The following RIT2 variants were observed in gnomAD, a reference collection of about 807,000 sequenced individuals.
RIT2 encodes GTP-binding protein Rit2.
RIT2 carries 24 observed loss-of-function variants against 23.7 expected under a neutral mutation model. That is an observed-to-expected ratio of 1.01 (90% CI 0.73 to 1.43). The LOEUF is 1.43. Among genes scored for constraint, RIT2 ranks in the 40% most tolerant of loss-of-function variants. The probability of loss-of-function intolerance (pLI) is 0.00; values close to 1 mark genes in which losing one functional copy is unlikely to be tolerated. For synonymous variants in RIT2, 107 were observed against 91.1 expected (o/e 1.17, Z -0.99); for missense variants, 236 against 266.9 (o/e 0.88, Z 0.81).
chr18:43,040,783 T>A (rs528639835), intron 1 of RIT2, among the ~76,000 whole-genome samples: 4 of 151,948 alleles, frequency 2.6e-5, no homozygotes, highest in African/African-American at 9.7e-5. Flanking sequence ...AAGGTGGAAA[T>A]GTCAAATGAA....
In RIT2 at chr18:42,968,992, C is replaced by G. The variant is rs563530378; in HGVS notation, c.234+5082G>C. Among the ~76,000 whole-genome samples the G allele has an allele frequency of 1.8e-4, 27 of 152,248 alleles. No homozygotes were observed. In the South Asian group the frequency reaches 5.4e-3, roughly 30 times the overall value. On this transcript the variant is annotated intron_variant, in intron 3 of 4. Coordinates refer to ENST00000326695, the MANE Select transcript of RIT2 (RefSeq NM_002930.4). ...TGAAAATTGGGAATGTTCTTAAAGC[C>G]TACCTTCCCATACCTTTTGATTTTG...
At chr18:43,033,349 G>A (rs967837891) in intron 2 of RIT2, among the ~76,000 whole-genome samples, 1 of 152,066 alleles carries the variant, frequency 6.6e-6, no homozygotes, top group African/African-American at 2.4e-5. Flanking sequence ...CCTTCAAGAT[G>A]AGAATGATGG....
chr18:42,805,216 T>C (rs930299228), intron 4 of RIT2, among the ~76,000 whole-genome samples: 1 of 152,226 alleles, frequency 6.6e-6, no homozygotes, highest in Non-Finnish European at 1.5e-5. Context: ...AATAACTTTT[T>C]ATGAAAAATA....
intron 3 of RIT2, among the ~76,000 whole-genome samples, chr18:42,937,048 AG>A (rs1433330348): frequency 6.6e-6 from 1 of 151,384 alleles, no homozygotes; most frequent in Non-Finnish European, 1.5e-5. Flanking sequence ...ATGTGACTTG[AG>A]GGAACCACAA....
At chr18:43,085,856 G>A (rs1261352673) in intron 1 of RIT2, among the ~76,000 whole-genome samples, 2 of 152,114 alleles carry the variant, frequency 1.3e-5, no homozygotes, top group Non-Finnish European at 1.5e-5. Flanking sequence ...TGTTCTCATG[G>A]TAGTGGACAA....
At chr18:43,094,126 T>TTG (rs1331293984) in intron 1 of RIT2, among the ~76,000 whole-genome samples, 37 of 129,236 alleles carry the variant, frequency 2.9e-4, no homozygotes, top group Admixed American at 1.2e-3. Context: ...TTTTTTTGTT[T>TTG]TTTTTTTTTT....
chr18:42,994,076 C>T (rs1381603194), intron 2 of RIT2, among the ~76,000 whole-genome samples: 1 of 152,118 alleles, frequency 6.6e-6, no homozygotes, highest in East Asian at 1.9e-4. Flanking sequence ...CCCATAAACT[C>T]TCCTATCCTC....
intron 4 of RIT2, among the ~76,000 whole-genome samples, chr18:42,832,493 T>C (rs958199630): frequency 6.6e-5 from 10 of 152,122 alleles, no homozygotes; most frequent in Admixed American, 2.6e-4. Context: ...ACCTAGTAAA[T>C]AATTCTGTAA....
chr18:43,089,511 T>A (rs2144358226), intron 1 of RIT2, among the ~76,000 whole-genome samples: 1 of 151,452 alleles, frequency 6.6e-6, no homozygotes, highest in East Asian at 1.9e-4. Context: ...CCAAGACAAT[T>A]TGTAAAAAAA....
chr18:43,112,778 T>TA (rs1432781612), intron 1 of RIT2, among the ~76,000 whole-genome samples: 1 of 152,014 alleles, frequency 6.6e-6, no homozygotes, highest in Non-Finnish European at 1.5e-5. Flanking sequence ...TTAATATACA[T>TA]AAAAAATCTC....
chr18:43,091,493 G>A (rs1378063023), intron 1 of RIT2, among the ~76,000 whole-genome samples: 10 of 152,026 alleles, frequency 6.6e-5, no homozygotes, highest in Non-Finnish European at 1.5e-5. Context: ...CTTTACTATG[G>A]CCCCATTTGG....
intron 4 of RIT2, among the ~76,000 whole-genome samples, chr18:42,781,141 CCA>C (rs1913802576): frequency 6.6e-6 from 1 of 151,742 alleles, no homozygotes; most frequent in South Asian, 2.1e-4. Context: ...AAAAAGAAAT[CCA>C]CTCTGAAAAT....
intron 4 of RIT2, among the ~76,000 whole-genome samples, chr18:42,883,168 G>A (rs1907938331): frequency 6.6e-6 from 1 of 151,952 alleles, no homozygotes; most frequent in African/African-American, 2.4e-5. Context: ...GTGTCTGATT[G>A]TATTTCAGAA....
intron 4 of RIT2, among the ~76,000 whole-genome samples, chr18:42,915,882 T>C (rs1441473765): frequency 3.3e-5 from 5 of 151,838 alleles, no homozygotes; most frequent in African/African-American, 1.2e-4. Context: ...TGTATATATG[T>C]GCATATATAG....
At chr18:43,006,524 G>A (rs748914120) in intron 2 of RIT2, among the ~76,000 whole-genome samples, 11 of 151,516 alleles carry the variant, frequency 7.3e-5, no homozygotes, top group African/African-American at 2.4e-4. Context: ...AGGAAGTAAG[G>A]TTATAAAAAC....
intron 1 of RIT2, among the ~76,000 whole-genome samples, chr18:43,059,528 C>G (rs1205924879): frequency 6.6e-6 from 1 of 152,112 alleles, no homozygotes; most frequent in African/African-American, 2.4e-5. Context: ...GGACAGCAAA[C>G]AGAATGAAGA....
chr18:42,961,418 C>T (rs1362574271), intron 3 of RIT2, among the ~76,000 whole-genome samples: 4 of 152,120 alleles, frequency 2.6e-5, no homozygotes, highest in East Asian at 1.9e-4. Context: ...TACTGAATTC[C>T]GAATATGATT....
intron 4 of RIT2, among the ~76,000 whole-genome samples, chr18:42,819,065 A>G (rs1906075301): frequency 6.6e-6 from 1 of 152,088 alleles, no homozygotes; most frequent in South Asian, 2.1e-4. Flanking sequence ...GCTCAAGAAT[A>G]TGAAATACAA....
chr18:43,052,154 A>C (rs1460089475), intron 1 of RIT2, among the ~76,000 whole-genome samples: 1 of 152,086 alleles, frequency 6.6e-6, no homozygotes, highest in Non-Finnish European at 1.5e-5. Flanking sequence ...AATAACGACA[A>C]CTTATTTTCC....
Sources: gnomAD v4.1 joint callset for allele counts (sites outside exome capture counted in the v4.1 genomes callset) on GRCh38, gnomAD v4.1.1 for gene constraint, MANE v1.5 for transcripts, NCBI Gene and HGNC (gene_info 2026-07-23, HGNC 2026-07-21) for gene names.